Variants in UBXN7 observed in about 807,000 individuals in gnomAD.
UBXN7 encodes UBX domain protein 7.
A neutral mutation model predicts 58.0 loss-of-function variants in UBXN7; 9 were observed. That is an observed-to-expected ratio of 0.16 (90% CI 0.09 to 0.27). UBXN7 has a LOEUF of 0.27. UBXN7 is among the 10% of genes least tolerant of loss of function. UBXN7 has a pLI of 1.00. For missense variants in UBXN7, 328 were observed against 599.6 expected (o/e 0.55, Z 4.73); for synonymous variants, 208 against 205.0 (o/e 1.01, Z -0.12).
chr3:196,425,534 GGT>G (rs1389659302), intron 1 of UBXN7, among the ~76,000 whole-genome samples: 1 of 152,032 alleles, frequency 6.6e-6, no homozygotes, highest in Non-Finnish European at 1.5e-5. Flanking sequence ...GGGAATTATA[GGT>G]GTGAGCCACA....
chr3:196,372,593 T>C (rs909888191), intron 5 of UBXN7, among the ~76,000 whole-genome samples: 4 of 151,220 alleles, frequency 2.6e-5, no homozygotes, highest in African/African-American at 9.7e-5. Flanking sequence ...CCGTCCACCT[T>C]GGCCTCCCAA....
rs749387900 is a variant in UBXN7 at position 196,356,829 on chromosome 3, C to G, written c.1326G>C (p.Val442=). The change falls in exon 11 of 11, where the codon GTG becomes GTC. Residue 442 remains valine (V), a synonymous_variant. Coordinates refer to ENST00000296328, the MANE Select transcript of UBXN7 (RefSeq NM_015562.2). ...QAKLLALVKH[V]QSKGYPNERF... ...GTTCATTTGGGTATCCTTTAGACTGCACGTGCTTCACCAAAGCCTATAAAA... is the reference window on the plus strand; with the variant it reads ...GTTCATTTGGGTATCCTTTAGACTGGACGTGCTTCACCAAAGCCTATAAAA... 1 of 1,608,568 alleles carries G rather than the reference C, an allele frequency of 6.2e-7. No individual in the cohort carries two copies. Among genetic ancestry groups the G allele is most frequent in the Non-Finnish European group, 8.5e-7 (1 of 1,178,802 alleles).
At chr3:196,413,488 T>G (rs574714099) in intron 1 of UBXN7, among the ~76,000 whole-genome samples, 28 of 152,284 alleles carry the variant, frequency 1.8e-4, no homozygotes, top group Non-Finnish European at 3.5e-4. Flanking sequence ...GTAATTTAAG[T>G]TACACAGAAC....
At position 196,404,097 on chromosome 3, in the gene UBXN7, AAAG is replaced by A. The variant is rs1340737702; in HGVS notation, c.222-1081_222-1079del. 2.2e-5 allele frequency among the ~76,000 whole-genome samples: 3 copies of A among 138,048 alleles called. No homozygotes were observed. The East Asian group carries it at 2.0e-3, about 90-fold the overall frequency. The allele number at this position is 138,048 out of a possible 152,430, so 90.6% of individuals were successfully genotyped here. ...ACTCCATCTCTAAAAAAAAAAAGAA[AAAG>A]AAAAAAAAAAATTACTTTGTTTTAC... On this transcript the variant is annotated intron_variant, in intron 2 of 10. Coordinates refer to ENST00000296328, the MANE Select transcript of UBXN7 (RefSeq NM_015562.2).
rs757374171 is a variant in UBXN7 at position 196,391,763 on chromosome 3, GA to G, written c.468+49del. On this transcript the variant is annotated intron_variant, in intron 5 of 10. Transcript: ENST00000296328. ...AAGTAATTTTTTAAAAAAAGGCATT[GA>G]AAATGCAAAAGGATTCATAGTTAAG... 1.3e-4 allele frequency: 189 copies of G among 1,426,710 alleles called. 3 individuals carry two copies. The South Asian group carries it at 2.0e-3, about 15-fold the overall frequency. The allele number at this position is 1,426,710 out of a possible 1,614,324, so 88.4% of individuals were successfully genotyped here. A position where few individuals can be genotyped will look rare whatever the true frequency, so the allele number is the denominator to read the frequency against.
At chr3:196,391,299 G>A (rs2108845273) in intron 5 of UBXN7, among the ~76,000 whole-genome samples, 1 of 152,248 alleles carries the variant, frequency 6.6e-6, no homozygotes, top group Non-Finnish European at 1.5e-5. Flanking sequence ...CTCATATACT[G>A]CTGGTAGAAA....
In UBXN7 at chr3:196,350,296, C is replaced by T. The variant is rs1363442148; in HGVS notation, c.*6389G>A. On this transcript the variant is annotated 3_prime_UTR_variant, in exon 11 of 11. Transcript: ENST00000296328. ...ATATCTGCAATTTTAAGCAACACAA[C>T]AGCAACTGGTAGGCCACAAAGAGGG... 1 of 152,206 alleles carries T rather than the reference C, an allele frequency of 6.6e-6. No individual in the cohort carries two copies. Among genetic ancestry groups the T allele is most frequent in the African/African-American group, 2.4e-5 (1 of 41,460 alleles). The allele number at this position is 152,206 out of a possible 1,614,324, so 9.4% of individuals were successfully genotyped here.
chr3:196,421,816 C>A (rs1352512408), intron 1 of UBXN7, among the ~76,000 whole-genome samples: 1 of 151,672 alleles, frequency 6.6e-6, no homozygotes, highest in Admixed American at 6.6e-5. Flanking sequence ...TAAGTTATTA[C>A]ATGAAAAATG....
At chr3:196,391,978 GAAAAA>G (rs11335716) in intron 4 of UBXN7, 53 bp from the exon 5 acceptor site, 32 of 194,750 alleles carry the variant, frequency 1.6e-4, no homozygotes, top group Non-Finnish European at 2.3e-4. Flanking sequence ...GAATCACACT[GAAAAA>G]AAAAAAAAAA....
At chr3:196,397,608 A>G (rs1729816465) in intron 3 of UBXN7, 1 of 152,224 alleles carries the variant, frequency 6.6e-6, no homozygotes, top group South Asian at 2.1e-4. Flanking sequence ...CCTCTTCCTT[A>G]GGTCATCTGG....
chr3:196,409,145 G>T (rs750967963), intron 1 of UBXN7, among the ~76,000 whole-genome samples: 134 of 152,022 alleles, frequency 8.8e-4, no homozygotes, highest in Non-Finnish European at 1.6e-3. Context: ...CTATCTTCCA[G>T]TTCACACATT....
rs375387158 is a variant in UBXN7 at position 196,372,058 on chromosome 3, T to C, written c.469-16A>G. On this transcript the variant is annotated splice_polypyrimidine_tract_variant and intron_variant, in intron 5 of 10. Coordinates refer to ENST00000296328, the MANE Select transcript of UBXN7 (RefSeq NM_015562.2). ...ACTCTTTGGCCTGCAAGAGTAAAGT[T>C]ACACATTTGTTAGAAATAATTTCTA... The C allele has an allele frequency of 1.8e-5, 28 of 1,573,976 alleles. No individual in the cohort carries two copies. Among genetic ancestry groups the C allele is most frequent in the African/African-American group, 2.7e-5 (2 of 73,316 alleles).
chr3:196,410,820 T>G (rs950222357), intron 1 of UBXN7, among the ~76,000 whole-genome samples: 2 of 142,376 alleles, frequency 1.4e-5, no homozygotes, highest in Non-Finnish European at 3.1e-5. Flanking sequence ...AGACTCCATC[T>G]CAAAAAAAAA....
intron 5 of UBXN7, among the ~76,000 whole-genome samples, chr3:196,386,906 C>T (rs1729423159): frequency 6.6e-6 from 1 of 152,184 alleles, no homozygotes; most frequent in African/African-American, 2.4e-5. Context: ...ATTGCCAAGA[C>T]AATCCTAAGC....
chr3:196,367,191 G>GA (rs71161921), intron 8 of UBXN7, among the ~76,000 whole-genome samples: 36,658 of 139,918 alleles, frequency 0.26, 5,900 homozygotes, highest in East Asian at 0.82. Flanking sequence ...TCAAAAAAAG[G>GA]AAAAAAAAAA....
chr3:196,353,841 T>C lies in UBXN7; in HGVS notation c.*2844A>G, dbSNP rs1728275951. The C allele has an allele frequency of 6.6e-6, 1 of 151,800 alleles. No homozygotes were observed. The highest frequency in any genetic ancestry group is 1.5e-5 in the Non-Finnish European group (1 of 67,932). 9.4% of individuals were successfully genotyped at this position (151,800 alleles called of 1,614,324 possible). A position where few individuals can be genotyped will look rare whatever the true frequency, so the allele number is the denominator to read the frequency against. Reference sequence around the variant, plus strand: ...TATTTTTCTCTTATCACTCTCGAAGTCTATCTTTCTTGTTCTTTTCCTCCC... The same window carrying C: ...TATTTTTCTCTTATCACTCTCGAAGCCTATCTTTCTTGTTCTTTTCCTCCC... On this transcript the variant is annotated 3_prime_UTR_variant, in exon 11 of 11. Transcript: ENST00000296328.
At position 196,356,444 on chromosome 3, in the gene UBXN7, G is replaced by T; in HGVS notation, c.*241C>A. ...TCACCAGATTAGGTAAGAAAGAAAA[G>T]TGTGGGGGGAGGGGGAGGCAGAAGG... On this transcript the variant is annotated 3_prime_UTR_variant, in exon 11 of 11. Coordinates refer to ENST00000296328, the MANE Select transcript of UBXN7 (RefSeq NM_015562.2). 2.5e-6 allele frequency: 1 copy of T among 397,730 alleles called. No homozygotes were observed. The highest frequency in any genetic ancestry group is 4.9e-5 in the East Asian group (1 of 20,368). The allele number at this position is 397,730 out of a possible 1,614,324, so 24.6% of individuals were successfully genotyped here. A position where few individuals can be genotyped will look rare whatever the true frequency, so the allele number is the denominator to read the frequency against.
rs149042049 is a variant in UBXN7, at chr3:196,415,974, G to T, written c.74-8581C>A. On this transcript the variant is annotated intron_variant, in intron 1 of 10. Coordinates refer to ENST00000296328, the MANE Select transcript of UBXN7 (RefSeq NM_015562.2). ...GTATGGACCAAACTTTCTTTTCAGA[G>T]AATTAAGTGGCCAAGTTCACACTAT... 7.2e-5 allele frequency among the ~76,000 whole-genome samples: 11 copies of T among 152,242 alleles called. 1 individual carries two copies. The highest frequency in any genetic ancestry group is 2.6e-4 in the African/African-American group (11 of 41,542).
At chr3:196,398,385 C>T (rs771974264) in intron 3 of UBXN7, among the ~76,000 whole-genome samples, 3 of 152,194 alleles carry the variant, frequency 2.0e-5, no homozygotes, top group Non-Finnish European at 2.9e-5. Flanking sequence ...ATTCATCTCG[C>T]AGTCTGAATG....
Sources: gnomAD v4.1 joint callset for allele counts (sites outside exome capture counted in the v4.1 genomes callset) on GRCh38, gnomAD v4.1.1 for gene constraint, MANE v1.5 for transcripts, NCBI Gene and HGNC (gene_info 2026-07-23, HGNC 2026-07-21) for gene names.